The following TNFAIP2 variants were observed in gnomAD, a reference collection of about 807,000 sequenced individuals.
The protein encoded by TNFAIP2 is tumor necrosis factor alpha-induced protein 2.
Under a neutral mutation model 63.5 loss-of-function variants are expected in TNFAIP2, and 47 were observed. That is an observed-to-expected ratio of 0.74 (90% CI 0.59 to 0.94). The LOEUF (loss-of-function observed/expected upper bound fraction) is 0.94. Ranked by LOEUF, TNFAIP2 falls within the 40% of genes least tolerant of loss-of-function variation. TNFAIP2 has a pLI of 0.00. For missense variants in TNFAIP2, 787 were observed against 850.2 expected (o/e 0.93, Z 0.92); for synonymous variants, 405 against 390.2 (o/e 1.04, Z -0.45).
rs538295545 is a variant in TNFAIP2 at position 103,136,051 on chromosome 14, G to A, written c.*691G>A. ...GGCCTCAACTAGAGGGTGGTCCCCCGAGGGCTTGGTGTCTACTACCGAAGG... is the reference window on the plus strand; with the variant it reads ...GGCCTCAACTAGAGGGTGGTCCCCCAAGGGCTTGGTGTCTACTACCGAAGG... On this transcript the variant is annotated 3_prime_UTR_variant, in exon 12 of 12. Coordinates refer to ENST00000560869, the MANE Select transcript of TNFAIP2 (RefSeq NM_006291.4). The A allele has an allele frequency of 4.7e-5, 59 of 1,251,818 alleles. No homozygotes were observed. The African/African-American group carries it at 6.4e-4, about 14-fold the overall frequency. The allele number at this position is 1,251,818 out of a possible 1,614,324, so 77.5% of individuals were successfully genotyped here.
intron 1 of TNFAIP2, among the ~76,000 whole-genome samples, chr14:103,125,872 T>C (rs2087842615): frequency 6.6e-6 from 1 of 152,150 alleles, no homozygotes; most frequent in Non-Finnish European, 1.5e-5. Flanking sequence ...CCCCGGCATG[T>C]CCCAGACCTT....
intron 1 of TNFAIP2, among the ~76,000 whole-genome samples, chr14:103,125,053 C>T (rs2087825431): frequency 1.3e-5 from 2 of 152,242 alleles, no homozygotes; most frequent in South Asian, 2.1e-4. Flanking sequence ...GCAAACACCT[C>T]CTACTCAGCC....
chr14:103,123,099 G>A (rs1477329142), upstream of TNFAIP2: 3 of 257,040 alleles, frequency 1.2e-5, no homozygotes, highest in African/African-American at 2.3e-5. Flanking sequence ...GGTGTGTGAC[G>A]CGGGAACGCG....
At position 103,127,687 on chromosome 14, in the gene TNFAIP2, G is replaced by C; in HGVS notation, c.860+58G>C. The C allele has an allele frequency of 1.4e-6, 2 of 1,400,806 alleles. No individual in the cohort carries two copies. Among genetic ancestry groups the C allele is most frequent in the Non-Finnish European group, 1.9e-6 (2 of 1,075,060 alleles). The allele number at this position is 1,400,806 out of a possible 1,614,324, so 86.8% of individuals were successfully genotyped here. On this transcript the variant is annotated intron_variant, in intron 3 of 11. Coordinates refer to ENST00000560869, the MANE Select transcript of TNFAIP2 (RefSeq NM_006291.4). This position sits in a 1 kb window ranked among gnomAD's most constrained non-coding sequence, Gnocchi z 5.1. ...AGGGAGGGTGTCCTCTGTAGGAGGG[G>C]TGTCGAGGGGTGTCGAGGTGTGCCG...
At chr14:103,122,660 T>C (rs950419812), upstream of TNFAIP2, 1 of 455,818 alleles carries the variant, frequency 2.2e-6, no homozygotes, top group African/African-American at 2.0e-5. Flanking sequence ...AGGCCTGCGC[T>C]GAATGGGCAA....
intron 1 of TNFAIP2, among the ~76,000 whole-genome samples, chr14:103,126,050 G>A (rs541361608): frequency 5.3e-5 from 8 of 152,324 alleles, no homozygotes; most frequent in Non-Finnish European, 7.4e-5. Context: ...TCTGTGTGGC[G>A]GGCTTGGCGT....
chr14:103,132,773 C>G lies in TNFAIP2; in HGVS notation c.1446C>G (p.His482Gln). Residue 482 changes from histidine (H) to glutamine (Q), a missense_variant, in exon 9 of 12, where the codon CAC becomes CAG. Transcript: ENST00000560869. The stretch of plus-strand genomic sequence containing the variant: ...AGCCACTGTTCAAGAGGTTCACGCA[C>G]ACCCGCTGGGCGGCCCCTGTGGAGA... ...DLKPLFKRFT[H>Q]TRWAAPVETL... The G allele has an allele frequency of 1.2e-6, 2 of 1,613,718 alleles. No homozygotes were observed. The highest frequency in any genetic ancestry group is 1.7e-6 in the Non-Finnish European group (2 of 1,179,846).
intron 3 of TNFAIP2, 34 bp from the exon 4 acceptor site, chr14:103,129,706 T>C (rs751064344): frequency 7.5e-6 from 12 of 1,592,522 alleles, no homozygotes; most frequent in Non-Finnish European, 1.0e-5. Flanking sequence ...TGATTTGGTA[T>C]AGTTGTCCTC....
chr14:103,124,719 G>C (rs187977190), intron 1 of TNFAIP2, among the ~76,000 whole-genome samples: 2 of 152,352 alleles, frequency 1.3e-5, no homozygotes, highest in East Asian at 3.9e-4. Flanking sequence ...AGCGAAGTTG[G>C]GGCACCGGGT....
Position 103,127,672 on chromosome 14 carries a change from T to TCCTC in TNFAIP2, c.860+44_860+47dup. 2 of 1,427,452 alleles carry TCCTC rather than the reference T, an allele frequency of 1.4e-6. No individual in the cohort carries two copies. The highest frequency in any genetic ancestry group is 1.8e-6 in the Non-Finnish European group (2 of 1,090,010). 88.4% of individuals were successfully genotyped at this position (1,427,452 alleles called of 1,614,324 possible). ...TGGGCCCGGGCCGGCAGGGAGGGTG[T>TCCTC]CCTCTGTAGGAGGGGTGTCGAGGGG... is the stretch of plus-strand genomic sequence containing the variant. On this transcript the variant is annotated intron_variant, in intron 3 of 11. Coordinates refer to ENST00000560869, the MANE Select transcript of TNFAIP2 (RefSeq NM_006291.4). This position sits in a 1 kb window ranked among gnomAD's most constrained non-coding sequence, Gnocchi z 5.1.
chr14:103,122,318 T>C (rs922905016), upstream of TNFAIP2, among the ~76,000 whole-genome samples: 1 of 152,204 alleles, frequency 6.6e-6, no homozygotes, highest in African/African-American at 2.4e-5. Context: ...CCCACTCCGC[T>C]GGCCCCCCTG....
Position 103,135,702 on chromosome 14 carries a change from G to A in TNFAIP2, c.*342G>A. On this transcript the variant is annotated 3_prime_UTR_variant, in exon 12 of 12. Transcript: ENST00000560869. The surrounding 1 kb of genome is among the most constrained non-coding windows in gnomAD (Gnocchi z 7.6). ...GGATCCCCGGACACCTCTGTCCAGA[G>A]CCCCTCCACAGTCGGCCTCATGACT... is the stretch of plus-strand genomic sequence containing the variant. The A allele has an allele frequency of 2.4e-6, 3 of 1,250,396 alleles. No individual in the cohort carries two copies. The highest frequency in any genetic ancestry group is 3.1e-6 in the Non-Finnish European group (3 of 979,614). 77.5% of individuals were successfully genotyped at this position (1,250,396 alleles called of 1,614,324 possible).
chr14:103,133,231 C>G, intron 9 of TNFAIP2, 131 bp from the exon 10 acceptor site: 1 of 1,184,026 alleles, frequency 8.4e-7, no homozygotes, highest in Non-Finnish European at 1.2e-6. Flanking sequence ...CATGTGGACG[C>G]ACGAGCACGT....
In TNFAIP2 at chr14:103,126,430, C is replaced by G. The variant is rs772375902; in HGVS notation, c.-28C>G. On this transcript the variant is annotated 5_prime_UTR_variant, in exon 2 of 12. Transcript: ENST00000560869. The stretch of plus-strand genomic sequence containing the variant: ...CTAGAGGCCCCCAAAAGTTGCAGTC[C>G]ACATCAGAGGCAGAGTCAGAGGCCT... 3.9e-6 allele frequency: 6 copies of G among 1,540,470 alleles called. No individual in the cohort carries two copies. The Admixed American group carries it at 8.4e-5, about 21-fold the overall frequency.
rs200076847 is a variant in TNFAIP2, at chr14:103,126,688, C to T, written c.231C>T (p.Pro77=). Residue 77 remains proline, a synonymous_variant, in exon 2 of 12, where the codon CCC becomes CCT. Transcript: ENST00000560869. ...GGCAGGGGCTGGATGGCCCGCCCCC[C>T]ACAGGTGCTCTAGGACCCTGGGTTA... The part of the protein sequence containing the change: ...GSRQGLDGPP[P]TVEELKAALE... 3.8e-6 allele frequency: 6 copies of T among 1,558,500 alleles called. No individual in the cohort carries two copies. The highest frequency in any genetic ancestry group is 1.7e-4 in the Middle Eastern group (1 of 5,972).
upstream of TNFAIP2, among the ~76,000 whole-genome samples, chr14:103,122,127 A>G (rs901580638): frequency 2.6e-5 from 4 of 152,046 alleles, no homozygotes; most frequent in African/African-American, 9.7e-5. Flanking sequence ...CTAGGAGAGA[A>G]GGGGTGGGGT....
chr14:103,135,563 C>A lies in TNFAIP2; in HGVS notation c.*203C>A. 1 of 1,427,696 alleles carries A rather than the reference C, an allele frequency of 7.0e-7. No individual in the cohort carries two copies. Among genetic ancestry groups the A allele is most frequent in the Non-Finnish European group, 9.1e-7 (1 of 1,094,752 alleles). The allele number at this position is 1,427,696 out of a possible 1,614,324, so 88.4% of individuals were successfully genotyped here. On this transcript the variant is annotated 3_prime_UTR_variant, in exon 12 of 12. Coordinates refer to ENST00000560869, the MANE Select transcript of TNFAIP2 (RefSeq NM_006291.4). The surrounding 1 kb of genome is among the most constrained non-coding windows in gnomAD (Gnocchi z 7.6). Reference sequence around the variant, plus strand: ...GGTTTGTTTACATGTCCGATGGGGGCAGGAGCTCCCATCCTGGGCAGCCAA... The same window carrying A: ...GGTTTGTTTACATGTCCGATGGGGGAAGGAGCTCCCATCCTGGGCAGCCAA...
At chr14:103,130,282 C>T in intron 5 of TNFAIP2, 33 bp from the exon 6 acceptor site, 2 of 1,541,702 alleles carry the variant, frequency 1.3e-6, no homozygotes, top group Non-Finnish European at 1.8e-6. Context: ...TCCAGGCGAG[C>T]CCCTGCTCAG....
rs2087967275 is a variant in TNFAIP2, at chr14:103,131,281, C to T, written c.1298+131C>T. ...TTCAAACCAGCAACATGTGTGAGGA[C>T]TCCACGGCCTGCAGCAGCAGCAGCA... On this transcript the variant is annotated intron_variant, in intron 7 of 11. Transcript: ENST00000560869. This position sits in a 1 kb window ranked among gnomAD's most constrained non-coding sequence, Gnocchi z 4.0. The T allele has an allele frequency of 3.1e-6, 3 of 954,538 alleles. No individual in the cohort carries two copies. The allele number at this position is 954,538 out of a possible 1,614,324, so 59.1% of individuals were successfully genotyped here.
Sources: allele counts gnomAD v4.1 joint callset (sites outside exome capture counted in the v4.1 genomes callset), GRCh38; gene constraint gnomAD v4.1.1; non-coding constraint Gnocchi (gnomAD v3.1); transcripts MANE v1.5; gene names NCBI Gene and HGNC (gene_info 2026-07-23, HGNC 2026-07-21).